SLC13A5: variants seen among roughly 807,000 people sequenced by gnomAD.
The protein encoded by SLC13A5 is Na(+)/citrate cotransporter.
SLC13A5 carries 25 observed loss-of-function variants against 56.5 expected under a neutral mutation model. The observed-to-expected ratio is 0.44, with a 90% CI of 0.32 to 0.62. The LOEUF (loss-of-function observed/expected upper bound fraction) is 0.62. Among genes scored for constraint, SLC13A5 ranks in the 20% least tolerant of loss-of-function variants. The pLI is 0.04. For missense variants in SLC13A5, 649 were observed against 737.8 expected (o/e 0.88, Z 1.39); for synonymous variants, 307 against 301.5 (o/e 1.02, Z -0.19).
rs966681982 is a variant in SLC13A5, at chr17:6,703,140, T to C, written c.548-2A>G. 1.9e-6 allele frequency: 3 copies of C among 1,613,874 alleles called. No homozygotes were observed. In the African/African-American group the frequency reaches 4.0e-5, roughly 22 times the overall value. ...GGCCTTCAAAAATCACTTGACTCCC[T>C]GTGGTGGGCACAGCGCTGTTAGCTG... is the stretch of plus-strand genomic sequence containing the variant. On this transcript the variant is annotated splice_acceptor_variant, in intron 4 of 11. Transcript: ENST00000433363. LOFTEE classifies it high-confidence loss of function.
At chr17:6,706,472 A>G (rs969358798) in intron 3 of SLC13A5, among the ~76,000 whole-genome samples, 170 bp downstream of exon 3, 3 of 152,134 alleles carry the variant, frequency 2.0e-5, no homozygotes, top group Non-Finnish European at 4.4e-5. Flanking sequence ...ACCACCACGC[A>G]TGCATCTGGT....
chr17:6,700,540 G>A (rs778869335), intron 6 of SLC13A5, among the ~76,000 whole-genome samples: 9 of 152,212 alleles, frequency 5.9e-5, no homozygotes, highest in Admixed American at 2.0e-4. Flanking sequence ...GAACTGGCAC[G>A]TGGGGACCAG....
chr17:6,694,298 A>G (rs1309058816), intron 7 of SLC13A5, 101 bp from the exon 8 acceptor site: 6 of 688,966 alleles, frequency 8.7e-6, no homozygotes, highest in Admixed American at 7.2e-5. Context: ...TATGCAAAGA[A>G]ACAGGCTCAC....
intron 7 of SLC13A5, among the ~76,000 whole-genome samples, chr17:6,694,482 C>T (rs1973506105): frequency 6.6e-6 from 1 of 152,068 alleles, no homozygotes; most frequent in African/African-American, 2.4e-5. Context: ...GCCAGACATG[C>T]TGGCGGGCGC....
At chr17:6,709,480 G>A (rs1973962272) in intron 1 of SLC13A5, among the ~76,000 whole-genome samples, 1 of 152,114 alleles carries the variant, frequency 6.6e-6, no homozygotes, top group Admixed American at 6.5e-5. Context: ...ATGTTGGCCA[G>A]GATGGTCTTG....
At position 6,692,219 on chromosome 17, in the gene SLC13A5, GGATGGATGGACA is replaced by G. The variant is rs1417207460; in HGVS notation, c.1275+813_1275+824del. Among the ~76,000 whole-genome samples, 16 of 149,376 alleles carry G rather than the reference GGATGGATGGACA, an allele frequency of 1.1e-4. No individual in the cohort carries two copies. The South Asian group carries it at 1.9e-3, about 18-fold the overall frequency. ...TAGATGGGTGGATAGATAGATGGGT[GGATGGATGGACA>G]GATGGATGGATGGATGGATGGATGG... On this transcript the variant is annotated intron_variant, in intron 9 of 11. Transcript: ENST00000433363. This position sits in a 1 kb window ranked among gnomAD's most constrained non-coding sequence, Gnocchi z 5.5.
rs1185777681 is a variant in SLC13A5, at chr17:6,701,036, C to A, written c.807G>T (p.Trp269Cys). The A allele has an allele frequency of 6.2e-7, 1 of 1,614,058 alleles. No individual in the cohort carries two copies. The highest frequency in any genetic ancestry group is 8.5e-7 in the Non-Finnish European group (1 of 1,180,036). ...TCATGTAAACAAACTGGAGCCACAG[C>A]CAGGCGAACAGCAGCATCACCAGCA... The part of the protein sequence containing the change: ...PNMLVMLLFA[W>C]LWLQFVYMRF... The change falls in exon 6 of 12, where the codon TGG (tryptophan) becomes TGT (cysteine). Residue 269 changes from tryptophan (W) to cysteine (C), a missense_variant. Trp to Cys is a radical substitution (Grantham distance 215). Transcript: ENST00000433363. The surrounding 1 kb of genome is among the most constrained non-coding windows in gnomAD (Gnocchi z 4.1).
chr17:6,686,609 C>T (rs1973259310), intron 11 of SLC13A5: 3 of 398,520 alleles, frequency 7.5e-6, no homozygotes, highest in Non-Finnish European at 1.4e-5. Flanking sequence ...GAGGCAACAG[C>T]TTAGGCCATT....
intron 6 of SLC13A5, among the ~76,000 whole-genome samples, chr17:6,697,580 C>A (rs1449460301): frequency 6.6e-6 from 1 of 152,238 alleles, no homozygotes; most frequent in Non-Finnish European, 1.5e-5. Context: ...CAGAGTCCTC[C>A]TGCAGCAGAA....
At chr17:6,710,740 G>GA (rs1447893946) in intron 1 of SLC13A5, among the ~76,000 whole-genome samples, 3 of 151,132 alleles carry the variant, frequency 2.0e-5, no homozygotes, top group African/African-American at 4.9e-5. Flanking sequence ...ACCACTTAAT[G>GA]AAAAAATGCA....
intron 9 of SLC13A5, among the ~76,000 whole-genome samples, chr17:6,691,676 A>T (rs1417660504): frequency 6.6e-6 from 1 of 152,206 alleles, no homozygotes; most frequent in Non-Finnish European, 1.5e-5. Context: ...GAGAATGTCC[A>T]CAGAGTCCAA....
At chr17:6,708,191 A>G (rs1025412805) in intron 1 of SLC13A5, among the ~76,000 whole-genome samples, 2 of 152,178 alleles carry the variant, frequency 1.3e-5, no homozygotes, top group African/African-American at 4.8e-5. Flanking sequence ...GCTGATCTCG[A>G]ACTCCTGACC....
intron 10 of SLC13A5, chr17:6,689,716 A>T (rs2150963524): frequency 6.6e-6 from 1 of 152,088 alleles, no homozygotes; most frequent in South Asian, 2.1e-4. Context: ...TTTCATCTTC[A>T]CTTGGAGGAG....
chr17:6,705,121 C>G (rs1472679969), intron 3 of SLC13A5: 2 of 152,206 alleles, frequency 1.3e-5, no homozygotes, highest in Non-Finnish European at 2.9e-5. Context: ...AGCTGTTCTG[C>G]ACCAGGGCCC....
In SLC13A5 at chr17:6,706,781, G is replaced by T; in HGVS notation, c.232-3C>A. On this transcript the variant is annotated splice_region_variant and splice_polypyrimidine_tract_variant and intron_variant, in intron 2 of 11. Transcript: ENST00000433363. ...TCCTTCATGTACTGGACACACACCT[G>T]GAGCGTGGCACGAAGGCCTCATCAG... 6 of 1,613,956 alleles carry T rather than the reference G, an allele frequency of 3.7e-6. No individual in the cohort carries two copies. Among genetic ancestry groups the T allele is most frequent in the Non-Finnish European group, 5.1e-6 (6 of 1,179,958 alleles).
chr17:6,685,219 C>T lies in SLC13A5; in HGVS notation c.*988G>A, dbSNP rs927702995. The T allele has an allele frequency of 6.6e-6, 1 of 152,234 alleles. No homozygotes were observed. The highest frequency in any genetic ancestry group is 6.5e-5 in the Admixed American group (1 of 15,282). 9.4% of individuals were successfully genotyped at this position (152,234 alleles called of 1,614,324 possible). A position where few individuals can be genotyped will look rare whatever the true frequency, so the allele number is the denominator to read the frequency against. ...ATGAAAGACTCTGAAGTGGCATAGC[C>T]AGTGGAAATTAACAGCTGTGTCCAC... On this transcript the variant is annotated 3_prime_UTR_variant, in exon 12 of 12. Coordinates refer to ENST00000433363, the MANE Select transcript of SLC13A5 (RefSeq NM_177550.5). This position sits in a 1 kb window ranked among gnomAD's most constrained non-coding sequence, Gnocchi z 4.2.
chr17:6,696,208 AC>A (rs1277403673), intron 6 of SLC13A5, among the ~76,000 whole-genome samples: 1 of 152,150 alleles, frequency 6.6e-6, no homozygotes, highest in Non-Finnish European at 1.5e-5. Context: ...CTCCAGGGTC[AC>A]CTGGGGGAAG....
At chr17:6,712,114 G>T (rs1974056615) in intron 1 of SLC13A5, among the ~76,000 whole-genome samples, 1 of 152,206 alleles carries the variant, frequency 6.6e-6, no homozygotes, top group Admixed American at 6.5e-5. Flanking sequence ...GAGAGCACAG[G>T]CACTTGGCTA....
In SLC13A5 at chr17:6,691,090, C is replaced by T. The variant is rs892217682; in HGVS notation, c.1276-150G>A. On this transcript the variant is annotated intron_variant, in intron 9 of 11. Transcript: ENST00000433363. ...CCATTCCCACCATTTTCATCCCCGT[C>T]CTCACTCTGCTGTCTCCTAAATCTG... 11 of 860,888 alleles carry T rather than the reference C, an allele frequency of 1.3e-5. No homozygotes were observed. The Admixed American group carries it at 3.3e-4, about 26-fold the overall frequency. The allele number at this position is 860,888 out of a possible 1,614,324, so 53.3% of individuals were successfully genotyped here.
Sources: allele counts gnomAD v4.1 joint callset (sites outside exome capture counted in the v4.1 genomes callset), GRCh38; gene constraint gnomAD v4.1.1; non-coding constraint Gnocchi (gnomAD v3.1); transcripts MANE v1.5; gene names NCBI Gene and HGNC (gene_info 2026-07-23, HGNC 2026-07-21).